Variants in ACOT7 observed in about 807,000 individuals in gnomAD.
The protein encoded by ACOT7 is cytosolic acyl coenzyme A thioester hydrolase.
A neutral mutation model predicts 40.2 loss-of-function variants in ACOT7; 12 were observed. That is an observed-to-expected ratio of 0.30 (90% CI 0.19 to 0.48). The LOEUF (loss-of-function observed/expected upper bound fraction) is 0.48. Among genes scored for constraint, ACOT7 ranks in the 20% least tolerant of loss-of-function variants. The pLI is 0.99. For synonymous variants in ACOT7, 228 were observed against 219.5 expected (o/e 1.04, Z -0.34); for missense variants, 395 against 530.8 (o/e 0.74, Z 2.51).
intron 6 of ACOT7, among the ~76,000 whole-genome samples, chr1:6,303,689 A>G (rs554008325): frequency 6.6e-6 from 1 of 152,214 alleles, no homozygotes; most frequent in South Asian, 2.1e-4. Flanking sequence ...TGTTTTAAAT[A>G]CCCCACCCGT....
At chr1:6,305,428 C>T (rs1228469639) in intron 6 of ACOT7, among the ~76,000 whole-genome samples, 3 of 151,848 alleles carry the variant, frequency 2.0e-5, no homozygotes, top group African/African-American at 4.8e-5. Flanking sequence ...ACCTCCCTCC[C>T]GGACGGGGTG....
At chr1:6,323,730 A>AT (rs1557650462) in intron 5 of ACOT7, among the ~76,000 whole-genome samples, 67 of 96,556 alleles carry the variant, frequency 6.9e-4, no homozygotes, top group Non-Finnish European at 1.1e-3. Flanking sequence ...AAAAAAAAAA[A>AT]AAAAAAAATA....
At chr1:6,315,757 A>C (rs1016270606) in intron 6 of ACOT7, among the ~76,000 whole-genome samples, 962 of 60,474 alleles carry the variant, frequency 0.016, 18 homozygotes, top group African/African-American at 0.069. Flanking sequence ...TCTGTCTAAA[A>C]AAAAAAAAAA....
chr1:6,368,381 A>G (rs1405640075), intron 1 of ACOT7, among the ~76,000 whole-genome samples: 1 of 152,116 alleles, frequency 6.6e-6, no homozygotes, highest in Non-Finnish European at 1.5e-5. Context: ...CCCCAAAGTG[A>G]ATGCCGCTCC....
Position 6,359,043 on chromosome 1 carries a change from G to A in ACOT7, c.144-9177C>T. On this transcript the variant is annotated intron_variant, in intron 1 of 8. Transcript: ENST00000361521. This position sits in a 1 kb window ranked among gnomAD's most constrained non-coding sequence, Gnocchi z 4.1. ...CCTCGCCAATCCAGAGCGTCTACCA[G>A]AAACCGGTCGTCATGGAAACCTTGC... The A allele has an allele frequency of 1.3e-6, 1 of 752,070 alleles. No homozygotes were observed. The highest frequency in any genetic ancestry group is 2.0e-6 in the Non-Finnish European group (1 of 494,662). 46.6% of individuals were successfully genotyped at this position (752,070 alleles called of 1,614,324 possible).
chr1:6,375,663 G>A (rs1268343528), intron 1 of ACOT7, among the ~76,000 whole-genome samples: 3 of 152,158 alleles, frequency 2.0e-5, no homozygotes, highest in South Asian at 2.1e-4. Flanking sequence ...TAGGCCGGGC[G>A]CAGTGGCTCA....
intron 6 of ACOT7, among the ~76,000 whole-genome samples, chr1:6,316,225 A>G (rs1640490389): frequency 6.6e-6 from 1 of 152,208 alleles, no homozygotes; most frequent in Admixed American, 6.5e-5. Flanking sequence ...TGGGATGGCC[A>G]GGCTCGGAAG....
chr1:6,323,737 A>AATATATATATAT (rs57302929), intron 5 of ACOT7, among the ~76,000 whole-genome samples: 35 of 38,402 alleles, frequency 9.1e-4, no homozygotes, highest in East Asian at 1.4e-3. Flanking sequence ...AAAAAAAAAA[A>AATATATATATAT]ATATATATAT....
intron 2 of ACOT7, among the ~76,000 whole-genome samples, chr1:6,342,817 T>C (rs1641311795): frequency 6.6e-6 from 1 of 152,264 alleles, no homozygotes; most frequent in Admixed American, 6.5e-5. Context: ...CTTTTATATA[T>C]GGTCCTAAGT....
At chr1:6,318,625 C>T (rs1303498212) in intron 5 of ACOT7, 47 bp from the exon 6 acceptor site, 3 of 1,590,434 alleles carry the variant, frequency 1.9e-6, no homozygotes, top group Non-Finnish European at 2.6e-6. Context: ...GGCTGATTCC[C>T]ACAGCTGAAT....
At chr1:6,335,755 C>T (rs1178100227) in intron 3 of ACOT7, among the ~76,000 whole-genome samples, 1 of 152,266 alleles carries the variant, frequency 6.6e-6, no homozygotes, top group Non-Finnish European at 1.5e-5. Context: ...CCTGCCCCTC[C>T]TCCCCGCACA....
At chr1:6,321,971 G>T (rs1297082331) in intron 5 of ACOT7, among the ~76,000 whole-genome samples, 1 of 152,234 alleles carries the variant, frequency 6.6e-6, no homozygotes, top group African/African-American at 2.4e-5. Context: ...GAGGCCCAAG[G>T]TGCCCTCGGC....
intron 1 of ACOT7, among the ~76,000 whole-genome samples, chr1:6,381,857 G>A (rs562331556): frequency 9.2e-5 from 14 of 152,054 alleles, no homozygotes; most frequent in East Asian, 1.9e-4. Flanking sequence ...GGAATGAGCC[G>A]GGCGCGGTGG....
chr1:6,365,725 A>G (rs1343715270), intron 1 of ACOT7, among the ~76,000 whole-genome samples: 4 of 149,894 alleles, frequency 2.7e-5, no homozygotes, highest in East Asian at 4.1e-4. Context: ...CCGAGATCGC[A>G]CCACTGCACT....
At chr1:6,367,110 A>C (rs1244735068) in intron 1 of ACOT7, among the ~76,000 whole-genome samples, 1 of 151,630 alleles carries the variant, frequency 6.6e-6, no homozygotes, top group Non-Finnish European at 1.5e-5. Flanking sequence ...GAGGCAAGAG[A>C]ATTGCGTGAA....
rs549120882 is a variant in ACOT7, at chr1:6,285,365, G to A, written c.830-4079C>T. Among the ~76,000 whole-genome samples, 3 of 152,330 alleles carry A rather than the reference G, an allele frequency of 2.0e-5. No homozygotes were observed. In the East Asian group the frequency reaches 5.8e-4, roughly 29 times the overall value. On this transcript the variant is annotated intron_variant, in intron 7 of 8. Coordinates refer to ENST00000361521, the MANE Select transcript of ACOT7 (RefSeq NM_007274.4). ...ACTTCCTTCCAGTCTCAACTTCAGT[G>A]CCACTCCTGGAAGCAGCCTGCCCTG...
At chr1:6,280,172 G>T (rs1329481091) in intron 8 of ACOT7, among the ~76,000 whole-genome samples, 2 of 152,252 alleles carry the variant, frequency 1.3e-5, no homozygotes, top group Non-Finnish European at 2.9e-5. Flanking sequence ...GCACCCGCCT[G>T]CTCCCAGCTG....
Position 6,320,843 on chromosome 1 carries a change from G to A in ACOT7, c.626-2265C>T, listed in dbSNP as rs370411090. ...CCGGCCTCTGCGCTGACCTCAGAGC[G>A]CAGCAGCTGGTCACATGCATGCAGT... On this transcript the variant is annotated intron_variant, in intron 5 of 8. Transcript: ENST00000361521. Among the ~76,000 whole-genome samples the A allele has an allele frequency of 1.4e-4, 22 of 152,314 alleles. No homozygotes were observed. In the South Asian group the frequency reaches 2.5e-3, roughly 17 times the overall value.
intron 2 of ACOT7, among the ~76,000 whole-genome samples, chr1:6,348,953 T>C (rs1369463363): frequency 6.6e-6 from 1 of 152,170 alleles, no homozygotes; most frequent in African/African-American, 2.4e-5. Flanking sequence ...GGGCTGAGTC[T>C]TCCTCTTCTC....
Sources: allele counts gnomAD v4.1 joint callset (sites outside exome capture counted in the v4.1 genomes callset), GRCh38; gene constraint gnomAD v4.1.1; non-coding constraint Gnocchi (gnomAD v3.1); transcripts MANE v1.5; gene names NCBI Gene and HGNC (gene_info 2026-07-23, HGNC 2026-07-21).